The following PCYOX1 variants were observed in gnomAD, a reference collection of about 807,000 sequenced individuals.
PCYOX1 encodes the protein prenylcysteine oxidase 1, also known as prenylcysteine lyase.
In PCYOX1, 46 loss-of-function variants were observed where a neutral mutation model predicts 46.4. That is an observed-to-expected ratio of 0.99 (90% CI 0.78 to 1.27). The LOEUF is 1.27. Among genes scored for constraint, PCYOX1 ranks in the 50% most tolerant of loss-of-function variants. The probability of loss-of-function intolerance (pLI) is 0.00; values close to 1 mark genes in which losing one functional copy is unlikely to be tolerated. For missense variants in PCYOX1, 658 were observed against 628.3 expected, an observed-to-expected ratio of 1.05 and a Z score of -0.51; for synonymous variants, 220 against 231.8, an observed-to-expected ratio of 0.95 and a Z score of 0.46.
At chr2:70,273,525 G>A (rs558816814) in intron 3 of PCYOX1, among the ~76,000 whole-genome samples, 17 of 152,302 alleles carry the variant, frequency 1.1e-4, no homozygotes, top group Admixed American at 6.5e-4. Context: ...TGATGTGAAA[G>A]TTTCCCTTCC....
At chr2:70,263,732 T>A in intron 3 of PCYOX1, among the ~76,000 whole-genome samples, 1 of 151,932 alleles carries the variant, frequency 6.6e-6, no homozygotes, top group East Asian at 1.9e-4. Flanking sequence ...GGATCTCGGC[T>A]TACTGCAACA....
At position 70,276,804 on chromosome 2, in the gene PCYOX1, C is replaced by T. The variant is rs781327432; in HGVS notation, c.930C>T (p.Ile310=). The T allele has an allele frequency of 1.8e-5, 29 of 1,612,136 alleles. No homozygotes were observed. Among genetic ancestry groups the T allele is most frequent in the Non-Finnish European group, 2.3e-5 (27 of 1,178,392 alleles). Residue 310 remains isoleucine, a synonymous_variant, in exon 6 of 6, where the codon ATC becomes ATT. Coordinates refer to ENST00000433351, the MANE Select transcript of PCYOX1 (RefSeq NM_016297.4). ...GTETRSDFYD[I]VLVATPLNRK... is the part of the protein sequence containing the mutation. ...AGACTCGTTCAGACTTCTATGACAT[C>T]GTCTTGGTGGCCACTCCGTTGAATC...
At chr2:70,258,058 T>G (rs1696369512), upstream of PCYOX1, 1 of 856,936 alleles carries the variant, frequency 1.2e-6, no homozygotes. Flanking sequence ...TGGGCGGGGC[T>G]CGCAGGGGCT....
chr2:70,270,843 C>G (rs189702701), intron 3 of PCYOX1, among the ~76,000 whole-genome samples: 2 of 152,048 alleles, frequency 1.3e-5, no homozygotes, highest in East Asian at 3.9e-4. Flanking sequence ...GATCTTGGCT[C>G]TCCTCGGCTC....
chr2:70,274,745 G>A (rs949532623), intron 3 of PCYOX1: 22 of 524,438 alleles, frequency 4.2e-5, no homozygotes, highest in Middle Eastern at 5.2e-4. Flanking sequence ...TGTATTTTTA[G>A]TAAAGCTGGG....
At chr2:70,267,955 C>T (rs1000805865) in intron 3 of PCYOX1, among the ~76,000 whole-genome samples, 63 of 152,102 alleles carry the variant, frequency 4.1e-4, no homozygotes, top group African/African-American at 1.2e-3. Context: ...GGATCACAGG[C>T]GCCCACCACC....
At chr2:70,275,470 T>C (rs1390405439) in intron 4 of PCYOX1, 44 bp from the exon 5 acceptor site, 8 of 1,597,788 alleles carry the variant, frequency 5.0e-6, no homozygotes, top group Admixed American at 1.7e-5. Context: ...GAGAGCCTCT[T>C]ACAAAAAGTC....
chr2:70,270,238 C>T lies in PCYOX1; in HGVS notation c.495-4721C>T, dbSNP rs188486695. Reference sequence around the variant, plus strand: ...CTTGAACTCCTGACCTCAAGTGATCCGCCTGGCTCAGCTTCCCAGAGTGCT... The same window carrying T: ...CTTGAACTCCTGACCTCAAGTGATCTGCCTGGCTCAGCTTCCCAGAGTGCT... On this transcript the variant is annotated intron_variant, in intron 3 of 5. Transcript: ENST00000433351. Among the ~76,000 whole-genome samples the T allele has an allele frequency of 1.8e-3, 269 of 152,246 alleles. 7 individuals are homozygous for T. The highest frequency in any genetic ancestry group is 0.017 in the Admixed American group (257 of 15,286).
intron 3 of PCYOX1, among the ~76,000 whole-genome samples, chr2:70,269,744 G>C (rs1054290328): frequency 5.3e-5 from 8 of 149,608 alleles, no homozygotes; most frequent in African/African-American, 1.7e-4. Context: ...TTGACACGTG[G>C]ACACGTGCCC....
Position 70,266,851 on chromosome 2 carries a change from C to T in PCYOX1, c.494+5465C>T, listed in dbSNP as rs1388163318. Among the ~76,000 whole-genome samples, 4 of 152,202 alleles carry T rather than the reference C, an allele frequency of 2.6e-5. No homozygotes were observed. The East Asian group carries it at 5.8e-4, about 22-fold the overall frequency. ...TTACTACAGAACAAAATGGAGTCTCCTATGTCCACCTCTTTCTACACAGAC... is the reference window on the plus strand; with the variant it reads ...TTACTACAGAACAAAATGGAGTCTCTTATGTCCACCTCTTTCTACACAGAC... On this transcript the variant is annotated intron_variant, in intron 3 of 5. Transcript: ENST00000433351.
intron 3 of PCYOX1, among the ~76,000 whole-genome samples, chr2:70,266,150 G>A (rs6546579): frequency 6.6e-6 from 1 of 151,904 alleles, no homozygotes; most frequent in Non-Finnish European, 1.5e-5. Flanking sequence ...TAAAAGAGAC[G>A]TTGCAGATAT....
Position 70,277,513 on chromosome 2 carries a change from T to A in PCYOX1, c.*121T>A. ...TGCCATTATCATTGTTTAATAAAAG[T>A]AATCCCTGCTGGTCATAGGAAAACA... On this transcript the variant is annotated 3_prime_UTR_variant, in exon 6 of 6. Transcript: ENST00000433351. 1 of 780,694 alleles carries A rather than the reference T, an allele frequency of 1.3e-6. No individual in the cohort carries two copies. Among genetic ancestry groups the A allele is most frequent in the Non-Finnish European group, 2.1e-6 (1 of 476,762 alleles). The allele number at this position is 780,694 out of a possible 1,614,324, so 48.4% of individuals were successfully genotyped here. A position where few individuals can be genotyped will look rare whatever the true frequency, so the allele number is the denominator to read the frequency against.
chr2:70,275,823 G>C (rs1403318097), intron 5 of PCYOX1, among the ~76,000 whole-genome samples, 157 bp downstream of exon 5: 2 of 152,114 alleles, frequency 1.3e-5, no homozygotes, highest in African/African-American at 2.4e-5. Flanking sequence ...AATGGGCCAG[G>C]CACGGTGGCT....
At chr2:70,275,389 T>C (rs916547923) in intron 4 of PCYOX1, 125 bp from the exon 5 acceptor site, 1 of 1,040,522 alleles carries the variant, frequency 9.6e-7, no homozygotes, top group Non-Finnish European at 1.4e-6. Context: ...GAGATTTTGC[T>C]CCCAGGGGCC....
At chr2:70,258,468 T>G in intron 1 of PCYOX1, 192 bp downstream of exon 1, 2 of 364,976 alleles carry the variant, frequency 5.5e-6, no homozygotes, top group East Asian at 6.0e-5. Context: ...GGACTGTGCA[T>G]TCCCAGGCGT....
At chr2:70,270,643 C>T (rs932815985) in intron 3 of PCYOX1, among the ~76,000 whole-genome samples, 9 of 152,210 alleles carry the variant, frequency 5.9e-5, no homozygotes, top group African/African-American at 9.7e-5. Context: ...TCATCTCCTT[C>T]GGGTCTTTGG....
chr2:70,259,041 A>G (rs923033905), intron 1 of PCYOX1, among the ~76,000 whole-genome samples: 1 of 152,168 alleles, frequency 6.6e-6, no homozygotes, highest in Non-Finnish European at 1.5e-5. Context: ...TCCACCTCTA[A>G]TGTGCCCGTG....
Position 70,261,376 on chromosome 2 carries a change from A to G in PCYOX1, c.484A>G (p.Lys162Glu), listed in dbSNP as rs1394030671. The part of the protein sequence containing the change: ...MHMWVEDVLD[K>E]FMRIYRYQSH... ...CATGTGGGTAGAGGACGTGTTAGAC[A>G]AGTTCATGAGGTAATTTTTTTTCCT... Residue 162 changes from lysine (K) to glutamate (E), a missense_variant, in exon 3 of 6, where the codon AAG becomes GAG. Transcript: ENST00000433351. 6.2e-7 allele frequency: 1 copy of G among 1,608,368 alleles called. No individual in the cohort carries two copies. The highest frequency in any genetic ancestry group is 1.1e-5 in the South Asian group (1 of 90,430).
At chr2:70,261,169 A>G (rs745815479) in intron 2 of PCYOX1, 43 bp from the exon 3 acceptor site, 15 of 1,364,294 alleles carry the variant, frequency 1.1e-5, no homozygotes, top group Non-Finnish European at 1.3e-5. Flanking sequence ...TCATTTGATC[A>G]GCATAGACAC....
Sources: allele counts gnomAD v4.1 joint callset (sites outside exome capture counted in the v4.1 genomes callset), GRCh38; gene constraint gnomAD v4.1.1; transcripts MANE v1.5; gene names NCBI Gene and HGNC (gene_info 2026-07-23, HGNC 2026-07-21).